Variants in BMPR1B observed in about 807,000 individuals in gnomAD.
BMPR1B encodes the protein bone morphogenetic protein receptor type 1B.
BMPR1B carries 12 observed loss-of-function variants against 59.1 expected under a neutral mutation model. The ratio of observed to expected loss-of-function variants is 0.20; its 90% CI spans 0.13 to 0.33. The LOEUF is 0.33. BMPR1B is among the 10% of genes least tolerant of loss of function. BMPR1B has a pLI of 1.00. For synonymous variants in BMPR1B, 237 were observed against 207.3 expected (o/e 1.14, Z -1.23); for missense variants, 550 against 610.9 (o/e 0.90, Z 1.05).
intron 2 of BMPR1B, among the ~76,000 whole-genome samples, chr4:94,946,569 T>A (rs1032048661): frequency 1.3e-5 from 2 of 152,198 alleles, no homozygotes; most frequent in African/African-American, 4.8e-5. Flanking sequence ...GTGGCAAGAA[T>A]TGAACCTTAA....
At chr4:94,843,660 T>A (rs1725189442) in intron 1 of BMPR1B, among the ~76,000 whole-genome samples, 1 of 125,692 alleles carries the variant, frequency 8.0e-6, no homozygotes, top group African/African-American at 3.4e-5. Context: ...GTCTATTCAA[T>A]GACAAATTAA....
chr4:94,918,132 T>C (rs1012865057), intron 2 of BMPR1B, among the ~76,000 whole-genome samples: 5 of 152,122 alleles, frequency 3.3e-5, no homozygotes, highest in South Asian at 4.2e-4. Context: ...TAAATCTCTT[T>C]TTTTAGTATT....
At chr4:94,892,575 T>C in intron 2 of BMPR1B, among the ~76,000 whole-genome samples, 1 of 152,068 alleles carries the variant, frequency 6.6e-6, no homozygotes, top group Admixed American at 6.6e-5. Flanking sequence ...TCATGTTTAA[T>C]CATTAAATAA....
intron 2 of BMPR1B, among the ~76,000 whole-genome samples, chr4:94,955,208 A>G (rs1730096130): frequency 6.6e-6 from 1 of 152,230 alleles, no homozygotes; most frequent in African/African-American, 2.4e-5. Context: ...AATTTCTGTC[A>G]ACTGCTCTGA....
At chr4:95,026,899 T>TA (rs1724461613) in intron 3 of BMPR1B, among the ~76,000 whole-genome samples, 1 of 151,826 alleles carries the variant, frequency 6.6e-6, no homozygotes, top group Admixed American at 6.6e-5. Context: ...TAGCTGGGAC[T>TA]AAAGGCATGC....
intron 2 of BMPR1B, among the ~76,000 whole-genome samples, chr4:94,940,321 A>AT (rs910659456): frequency 3.3e-5 from 5 of 151,848 alleles, no homozygotes; most frequent in Middle Eastern, 3.2e-3. Flanking sequence ...GCAATTTTTC[A>AT]TTTTTTTTAA....
chr4:95,086,742 T>C (rs1388189951), intron 3 of BMPR1B, among the ~76,000 whole-genome samples: 1 of 152,006 alleles, frequency 6.6e-6, no homozygotes, highest in Non-Finnish European at 1.5e-5. Context: ...GCATTTGTAA[T>C]GCCCACAAGA....
chr4:94,855,370 A>C (rs1725715799), intron 1 of BMPR1B, among the ~76,000 whole-genome samples: 1 of 152,204 alleles, frequency 6.6e-6, no homozygotes, highest in South Asian at 2.1e-4. Context: ...CAGCTATTAA[A>C]TAGTAGAGCC....
At chr4:94,830,123 A>G (rs748957677) in intron 1 of BMPR1B, among the ~76,000 whole-genome samples, 16 of 152,210 alleles carry the variant, frequency 1.1e-4, no homozygotes, top group Non-Finnish European at 2.1e-4. Flanking sequence ...GTATGTTTAT[A>G]TTAAATAACT....
rs191905712 is a variant in BMPR1B at position 94,780,274 on chromosome 4, A to G, written c.-183+22206A>G. On this transcript the variant is annotated intron_variant, in intron 1 of 12. Transcript: ENST00000515059. ...ATTCCGTAAAATGGAATGATACAAT[A>G]TGAGATCTCTGGTGACTGGCTTTCT... Among the ~76,000 whole-genome samples, 450 of 152,312 alleles carry G rather than the reference A, an allele frequency of 3.0e-3. 2 individuals carry two copies. Among genetic ancestry groups the G allele is most frequent in the Non-Finnish European group, 3.5e-3 (236 of 68,026 alleles).
At chr4:94,836,009 G>A (rs1475421910) in intron 1 of BMPR1B, among the ~76,000 whole-genome samples, 2 of 147,702 alleles carry the variant, frequency 1.4e-5, no homozygotes, top group East Asian at 4.0e-4. Flanking sequence ...AATGTGCGGT[G>A]TTTGGTTTTT....
chr4:94,911,778 A>G (rs1728282259), intron 2 of BMPR1B, among the ~76,000 whole-genome samples: 1 of 152,140 alleles, frequency 6.6e-6, no homozygotes, highest in Non-Finnish European at 1.5e-5. Context: ...TCTTGTTAGT[A>G]ATGGTGGCTC....
chr4:94,799,301 C>G (rs1723311046), intron 1 of BMPR1B, among the ~76,000 whole-genome samples: 1 of 149,288 alleles, frequency 6.7e-6, no homozygotes, highest in Admixed American at 6.7e-5. Flanking sequence ...CTTTGGGTGA[C>G]TGTTTTTTTT....
At chr4:94,822,888 T>C (rs1309046200) in intron 1 of BMPR1B, among the ~76,000 whole-genome samples, 1 of 152,194 alleles carries the variant, frequency 6.6e-6, no homozygotes, top group Non-Finnish European at 1.5e-5. Context: ...CCACACTGCA[T>C]TGGTGACTTT....
intron 3 of BMPR1B, among the ~76,000 whole-genome samples, chr4:95,036,751 G>T: frequency 7.0e-6 from 1 of 142,346 alleles, no homozygotes. Flanking sequence ...GAGATTGTTG[G>T]ATTTTATGGT....
At chr4:94,822,987 C>T (rs959167276) in intron 1 of BMPR1B, among the ~76,000 whole-genome samples, 7 of 152,108 alleles carry the variant, frequency 4.6e-5, no homozygotes, top group African/African-American at 1.7e-4. Flanking sequence ...ATATTTTTGA[C>T]TCCTGGTTAA....
intron 1 of BMPR1B, among the ~76,000 whole-genome samples, chr4:94,841,628 C>T (rs980555074): frequency 1.3e-5 from 2 of 152,170 alleles, no homozygotes; most frequent in African/African-American, 2.4e-5. Context: ...GGCTCGCACA[C>T]GGTGCGCGCA....
intron 1 of BMPR1B, among the ~76,000 whole-genome samples, chr4:94,823,359 T>G (rs1724271201): frequency 6.6e-6 from 1 of 152,200 alleles, no homozygotes; most frequent in Admixed American, 6.5e-5. Context: ...CTTGGTTCAC[T>G]ACCATGCTTC....
At chr4:94,785,248 T>G (rs913470178) in intron 1 of BMPR1B, among the ~76,000 whole-genome samples, 8 of 152,154 alleles carry the variant, frequency 5.3e-5, no homozygotes, top group African/African-American at 1.9e-4. Flanking sequence ...ACCAAAGAAT[T>G]ATTGACATGT....
Sources: allele counts gnomAD v4.1 joint callset (sites outside exome capture counted in the v4.1 genomes callset), GRCh38; gene constraint gnomAD v4.1.1; transcripts MANE v1.5; gene names NCBI Gene and HGNC (gene_info 2026-07-23, HGNC 2026-07-21).